The following ZCCHC7 variants were observed in gnomAD, a reference collection of about 807,000 sequenced individuals.
The protein encoded by ZCCHC7 is zinc finger CCHC domain-containing protein 7.
In ZCCHC7, 35 loss-of-function variants were observed where a neutral mutation model predicts 52.0. The observed-to-expected ratio is 0.67, with a 90% CI of 0.51 to 0.89. The LOEUF is 0.89. Ranked by LOEUF, ZCCHC7 falls within the 40% of genes least tolerant of loss-of-function variation. The pLI, the probability that ZCCHC7 is intolerant of heterozygous loss-of-function variation, is 0.00. For synonymous variants in ZCCHC7, 217 were observed against 221.5 expected (o/e 0.98, Z 0.18); for missense variants, 574 against 649.1 (o/e 0.88, Z 1.26).
chr9:37,196,109 A>G (rs1289289331), intron 2 of ZCCHC7, among the ~76,000 whole-genome samples: 1 of 152,110 alleles, frequency 6.6e-6, no homozygotes, highest in Non-Finnish European at 1.5e-5. Context: ...CAGATATATA[A>G]ATATATATAA....
At chr9:37,296,594 T>C (rs930728325) in intron 2 of ZCCHC7, among the ~76,000 whole-genome samples, 1 of 152,200 alleles carries the variant, frequency 6.6e-6, no homozygotes, top group Non-Finnish European at 1.5e-5. Flanking sequence ...CTTTTTTTTT[T>C]TTTCCGAATC....
At chr9:37,307,178 C>A (rs921875412) in intron 5 of ZCCHC7, among the ~76,000 whole-genome samples, 18 of 152,032 alleles carry the variant, frequency 1.2e-4, no homozygotes, top group Non-Finnish European at 2.2e-4. Flanking sequence ...ATTAAAAATG[C>A]TGTTTTGGAC....
At chr9:37,263,280 G>A (rs952566974) in intron 2 of ZCCHC7, among the ~76,000 whole-genome samples, 2 of 151,576 alleles carry the variant, frequency 1.3e-5, no homozygotes, top group African/African-American at 4.8e-5. Flanking sequence ...GAAAGTAGCA[G>A]TTTATCCCAG....
At chr9:37,177,309 T>G (rs1228840924) in intron 2 of ZCCHC7, among the ~76,000 whole-genome samples, 3 of 152,138 alleles carry the variant, frequency 2.0e-5, no homozygotes, top group African/African-American at 7.2e-5. Context: ...CATTCCAGCC[T>G]GGGTGACAGA....
chr9:37,151,004 G>T (rs1387391559), intron 2 of ZCCHC7, among the ~76,000 whole-genome samples: 13 of 133,114 alleles, frequency 9.8e-5, no homozygotes, highest in Non-Finnish European at 1.7e-4. Context: ...TTGCTCTGTT[G>T]CTCTGGCTGG....
intron 5 of ZCCHC7, among the ~76,000 whole-genome samples, chr9:37,320,987 CTTTT>C (rs11303114): frequency 1.7e-5 from 2 of 116,222 alleles, no homozygotes; most frequent in Non-Finnish European, 3.6e-5. Context: ...TTTCTTTTTT[CTTTT>C]TTTTTTTTTT....
intron 2 of ZCCHC7, among the ~76,000 whole-genome samples, chr9:37,212,902 T>C (rs1824315477): frequency 2.0e-5 from 3 of 152,136 alleles, no homozygotes. Flanking sequence ...TACAGACTTC[T>C]CTGAGACATA....
intron 2 of ZCCHC7, among the ~76,000 whole-genome samples, chr9:37,238,599 A>T (rs1035526308): frequency 7.2e-5 from 11 of 152,094 alleles, no homozygotes; most frequent in Non-Finnish European, 1.6e-4. Context: ...CCACTTTTTT[A>T]AAAAATGGCC....
intron 2 of ZCCHC7, among the ~76,000 whole-genome samples, chr9:37,205,691 T>TA (rs1195853189): frequency 6.8e-6 from 1 of 147,466 alleles, no homozygotes; most frequent in Admixed American, 6.8e-5. Flanking sequence ...TAATTTTTTG[T>TA]ATTTTTAGTA....
chr9:37,269,649 A>AAAAG (rs1265994013), intron 2 of ZCCHC7, among the ~76,000 whole-genome samples: 1 of 149,860 alleles, frequency 6.7e-6, no homozygotes, highest in African/African-American at 2.5e-5. Flanking sequence ...AAAAAAAACA[A>AAAAG]AAGAAGTTCT....
At chr9:37,178,605 T>C (rs1822183790) in intron 2 of ZCCHC7, among the ~76,000 whole-genome samples, 2 of 152,212 alleles carry the variant, frequency 1.3e-5, no homozygotes, top group Non-Finnish European at 2.9e-5. Context: ...ATAAAAGATT[T>C]AACGCGGTGT....
At chr9:37,280,140 CA>C (rs879571320) in intron 2 of ZCCHC7, among the ~76,000 whole-genome samples, 372 of 133,898 alleles carry the variant, frequency 2.8e-3, no homozygotes, top group Non-Finnish European at 3.9e-3. Flanking sequence ...GACTCCGTCT[CA>C]AAAAAAAAAA....
chr9:37,258,232 A>G (rs1826686301), intron 2 of ZCCHC7, among the ~76,000 whole-genome samples: 1 of 152,128 alleles, frequency 6.6e-6, no homozygotes. Flanking sequence ...GACCATTTTT[A>G]CATCAGCGCC....
At chr9:37,127,591 T>G (rs1842600408) in intron 2 of ZCCHC7, among the ~76,000 whole-genome samples, 1 of 152,222 alleles carries the variant, frequency 6.6e-6, no homozygotes, top group Non-Finnish European at 1.5e-5. Context: ...TGCTTATGCC[T>G]TCAAGAAGTT....
At chr9:37,171,248 A>G (rs1043922635) in intron 2 of ZCCHC7, among the ~76,000 whole-genome samples, 2 of 152,086 alleles carry the variant, frequency 1.3e-5, no homozygotes, top group African/African-American at 4.8e-5. Flanking sequence ...TGTAGTTGTT[A>G]GAAGTGGGGT....
intron 2 of ZCCHC7, among the ~76,000 whole-genome samples, chr9:37,198,743 C>A (rs150604947): frequency 6.6e-6 from 1 of 152,178 alleles, no homozygotes; most frequent in Non-Finnish European, 1.5e-5. Context: ...AGTACAGTAT[C>A]TTAGGGAAGA....
rs150560803 is a variant in ZCCHC7, at chr9:37,287,632, C to G, written c.611-14556C>G. 8.1e-3 allele frequency among the ~76,000 whole-genome samples: 1,227 copies of G among 152,166 alleles called. 67 individuals are homozygous for G. The highest frequency in any genetic ancestry group is 0.071 in the Admixed American group (1,089 of 15,290). Reference sequence around the variant, plus strand: ...GGAAGTACACAAAAACAGGTAGAAACTGTTTAACTGTTTTATTTCTCTGTG... The same window carrying G: ...GGAAGTACACAAAAACAGGTAGAAAGTGTTTAACTGTTTTATTTCTCTGTG... On this transcript the variant is annotated intron_variant, in intron 2 of 8. Transcript: ENST00000336755.
intron 6 of ZCCHC7, among the ~76,000 whole-genome samples, chr9:37,330,034 T>C (rs1158443532): frequency 6.6e-6 from 1 of 151,818 alleles, no homozygotes; most frequent in East Asian, 1.9e-4. Flanking sequence ...TACAGTTGCT[T>C]TTATCTGCCT....
At chr9:37,344,208 G>A (rs1275271901) in intron 6 of ZCCHC7, among the ~76,000 whole-genome samples, 1 of 152,080 alleles carries the variant, frequency 6.6e-6, no homozygotes, top group Non-Finnish European at 1.5e-5. Context: ...AACATAAATA[G>A]AAATATTTGT....
Sources: gnomAD v4.1 joint callset for allele counts (sites outside exome capture counted in the v4.1 genomes callset) on GRCh38, gnomAD v4.1.1 for gene constraint, MANE v1.5 for transcripts, NCBI Gene and HGNC (gene_info 2026-07-23, HGNC 2026-07-21) for gene names.